Variants in FBXL20 observed in about 807,000 individuals in gnomAD.
The protein encoded by FBXL20 is F-box/LRR-repeat protein 20.
In FBXL20, 11 loss-of-function variants were observed where a neutral mutation model predicts 64.0. The observed-to-expected ratio is 0.17, with a 90% CI of 0.11 to 0.28. The LOEUF (loss-of-function observed/expected upper bound fraction) is 0.28. Among genes scored for constraint, FBXL20 ranks in the 10% least tolerant of loss-of-function variants. The pLI is 1.00. For missense variants in FBXL20, 303 were observed against 526.2 expected (o/e 0.58, Z 4.15); for synonymous variants, 184 against 189.0 (o/e 0.97, Z 0.22).
intron 2 of FBXL20, among the ~76,000 whole-genome samples, chr17:39,306,650 T>G (rs1231816027): frequency 6.6e-6 from 1 of 152,226 alleles, no homozygotes; most frequent in Non-Finnish European, 1.5e-5. Context: ...ATTTTAAATA[T>G]TTTCAGTTTT....
At chr17:39,270,189 G>A (rs1278522955) in intron 11 of FBXL20, among the ~76,000 whole-genome samples, 1 of 152,104 alleles carries the variant, frequency 6.6e-6, no homozygotes, top group East Asian at 1.9e-4. Context: ...TAACCAATAA[G>A]TTTTTTCACA....
intron 2 of FBXL20, among the ~76,000 whole-genome samples, chr17:39,332,087 G>A (rs943876916): frequency 1.3e-5 from 2 of 152,204 alleles, no homozygotes; most frequent in East Asian, 1.9e-4. Context: ...AGATTGTAGA[G>A]TCCATGTTCT....
chr17:39,360,942 T>C (rs990327775), intron 1 of FBXL20, among the ~76,000 whole-genome samples: 2 of 152,236 alleles, frequency 1.3e-5, no homozygotes, highest in Non-Finnish European at 2.9e-5. Context: ...ACATGGGTCA[T>C]ATTTTTCCCA....
chr17:39,279,148 T>C (rs963481111), intron 9 of FBXL20, among the ~76,000 whole-genome samples: 1 of 151,680 alleles, frequency 6.6e-6, no homozygotes, highest in African/African-American at 2.4e-5. Context: ...CGTCTCTAAA[T>C]AAATAAATAA....
intron 2 of FBXL20, among the ~76,000 whole-genome samples, chr17:39,340,997 CTTTTTTT>C (rs11462275): frequency 8.3e-6 from 1 of 120,076 alleles, no homozygotes; most frequent in Non-Finnish European, 1.8e-5. Flanking sequence ...CAAAGTTTTG[CTTTTTTT>C]TTTTTTTTGT....
intron 2 of FBXL20, among the ~76,000 whole-genome samples, chr17:39,317,317 C>T (rs901315710): frequency 4.6e-5 from 7 of 152,018 alleles, no homozygotes; most frequent in Non-Finnish European, 7.3e-5. Context: ...CTGCAACCTC[C>T]GCTTCCGGGG....
At chr17:39,345,247 G>A (rs570090317) in intron 1 of FBXL20, among the ~76,000 whole-genome samples, 12 of 152,086 alleles carry the variant, frequency 7.9e-5, no homozygotes, top group Non-Finnish European at 1.5e-4. Flanking sequence ...CTACAATGAA[G>A]AAAACAGAAG....
intron 2 of FBXL20, among the ~76,000 whole-genome samples, chr17:39,334,557 C>T (rs564313102): frequency 6.6e-6 from 1 of 151,850 alleles, no homozygotes; most frequent in East Asian, 1.9e-4. Context: ...TCACCTCTTA[C>T]CCACTTACAG....
chr17:39,372,816 G>A (rs951153653), intron 1 of FBXL20, among the ~76,000 whole-genome samples: 1 of 151,208 alleles, frequency 6.6e-6, no homozygotes, highest in Non-Finnish European at 1.5e-5. Flanking sequence ...GTAGAGATGG[G>A]GTTTCACCAG....
At chr17:39,332,852 T>G (rs1329586023) in intron 2 of FBXL20, among the ~76,000 whole-genome samples, 1 of 152,108 alleles carries the variant, frequency 6.6e-6, no homozygotes, top group Non-Finnish European at 1.5e-5. Context: ...TATCCTTTCT[T>G]ATAATAAACC....
intron 1 of FBXL20, among the ~76,000 whole-genome samples, chr17:39,380,323 C>G (rs186845555): frequency 6.6e-6 from 1 of 152,290 alleles, no homozygotes; most frequent in Admixed American, 6.5e-5. Flanking sequence ...CTAACCACCA[C>G]CACCACCCTG....
chr17:39,355,964 C>T (rs1315830929), intron 1 of FBXL20, among the ~76,000 whole-genome samples: 1 of 151,388 alleles, frequency 6.6e-6, no homozygotes, highest in East Asian at 1.9e-4. Flanking sequence ...ACCTGTAATC[C>T]CAGCACTTTG....
At chr17:39,330,187 C>T (rs1162997913) in intron 2 of FBXL20, among the ~76,000 whole-genome samples, 1 of 151,836 alleles carries the variant, frequency 6.6e-6, no homozygotes, top group Non-Finnish European at 1.5e-5. Context: ...ATCCCAGCTA[C>T]TCAGGAGGCT....
chr17:39,276,867 G>A (rs2046901417), intron 9 of FBXL20, among the ~76,000 whole-genome samples: 1 of 152,106 alleles, frequency 6.6e-6, no homozygotes, highest in Non-Finnish European at 1.5e-5. Context: ...TGGAATGATC[G>A]CTTTAGCCCA....
chr17:39,379,443 C>G (rs1245646474), intron 1 of FBXL20, among the ~76,000 whole-genome samples: 1 of 130,962 alleles, frequency 7.6e-6, no homozygotes, highest in African/African-American at 3.2e-5. Flanking sequence ...GCCAGCAGTT[C>G]AAGAACAAGC....
chr17:39,276,083 C>G (rs1034101768), intron 9 of FBXL20, among the ~76,000 whole-genome samples: 4 of 151,162 alleles, frequency 2.6e-5, no homozygotes, highest in Non-Finnish European at 5.9e-5. Context: ...CCTGTCTCTA[C>G]TAAAAATACA....
intron 1 of FBXL20, among the ~76,000 whole-genome samples, chr17:39,389,277 C>A (rs2048113371): frequency 6.6e-6 from 1 of 152,066 alleles, no homozygotes; most frequent in African/African-American, 2.4e-5. Context: ...AAAGTTTTAA[C>A]CAGTCCTAGG....
At chr17:39,398,241 T>C (rs1233789375) in intron 1 of FBXL20, among the ~76,000 whole-genome samples, 5 of 151,890 alleles carry the variant, frequency 3.3e-5, no homozygotes, top group East Asian at 3.9e-4. Flanking sequence ...GATCGCACCA[T>C]TGCACTCCAG....
At chr17:39,269,185 ATTTCT>A (rs1043873514) in intron 11 of FBXL20, among the ~76,000 whole-genome samples, 3 of 149,566 alleles carry the variant, frequency 2.0e-5, no homozygotes, top group Non-Finnish European at 3.0e-5. Flanking sequence ...TAATTTTTGT[ATTTCT>A]TTTCTTTTTT....
Sources: allele counts gnomAD v4.1 joint callset (sites outside exome capture counted in the v4.1 genomes callset), GRCh38; gene constraint gnomAD v4.1.1; transcripts MANE v1.5; gene names NCBI Gene and HGNC (gene_info 2026-07-23, HGNC 2026-07-21).